The following MYO9B variants were observed in gnomAD, a reference collection of about 807,000 sequenced individuals.
MYO9B encodes unconventional myosin-IXb.
In MYO9B, 71 loss-of-function variants were observed where a neutral mutation model predicts 229.5. The ratio of observed to expected loss-of-function variants is 0.31; its 90% confidence interval spans 0.26 to 0.38. The LOEUF is 0.38. MYO9B is among the 10% of genes least tolerant of loss of function. The pLI is 1.00. For synonymous variants in MYO9B, 1,185 were observed against 1,235.8 expected (o/e 0.96, Z 0.86); for missense variants, 2,255 against 2,920.5 (o/e 0.77, Z 5.25).
chr19:17,076,457 T>A (rs1269220072), intron 1 of MYO9B, among the ~76,000 whole-genome samples: 1 of 151,070 alleles, frequency 6.6e-6, no homozygotes, highest in Non-Finnish European at 1.5e-5. Context: ...GTAAACGGAG[T>A]AGAAGTCACG....
intron 1 of MYO9B, among the ~76,000 whole-genome samples, chr19:17,079,761 G>A (rs2057518034): frequency 6.6e-6 from 1 of 152,110 alleles, no homozygotes; most frequent in Non-Finnish European, 1.5e-5. Context: ...CCACCCACCA[G>A]CCCTTTGTGT....
At chr19:17,206,225 G>GTGGGCCCCCCCC in intron 32 of MYO9B, 23 bp from the exon 33 acceptor site, 8 of 1,564,660 alleles carry the variant, frequency 5.1e-6, no homozygotes, top group African/African-American at 1.4e-5. Context: ...CCGCTCACCA[G>GTGGGCCCCCCCC]ACCCACCCCA....
chr19:17,098,917 T>C (rs146409643), intron 1 of MYO9B, among the ~76,000 whole-genome samples: 8 of 123,800 alleles, frequency 6.5e-5, no homozygotes, highest in South Asian at 2.5e-4. Flanking sequence ...GCCTGGGAAG[T>C]AGAGCAAGAC....
At chr19:17,087,745 T>C (rs113290114) in intron 1 of MYO9B, among the ~76,000 whole-genome samples, 1 of 151,864 alleles carries the variant, frequency 6.6e-6, no homozygotes, top group African/African-American at 2.4e-5. Flanking sequence ...GCCTGACTAA[T>C]GTGGTGAAAC....
Position 17,194,734 on chromosome 19 carries a change from G to T in MYO9B, c.3307G>T (p.Val1103Leu), listed in dbSNP as rs375211356. Reference protein sequence around the residue: ...DGGHLASEPEVQPSDRSPLEH... With the variant: ...DGGHLASEPELQPSDRSPLEH... ...CGGGCACCTGGCATCGGAGCCTGAGGTGCAGCCAAGTGACAGGTCCCCCCT... is the reference window on the plus strand; with the variant it reads ...CGGGCACCTGGCATCGGAGCCTGAGTTGCAGCCAAGTGACAGGTCCCCCCT... The change falls in exon 22 of 40, where the codon GTG becomes TTG. Residue 1103 changes from valine (V) to leucine (L), a missense_variant. Transcript: ENST00000682292. 1 of 1,613,044 alleles carries T rather than the reference G, an allele frequency of 6.2e-7. No homozygotes were observed. Among genetic ancestry groups the T allele is most frequent in the African/African-American group, 1.3e-5 (1 of 75,030 alleles).
intron 1 of MYO9B, among the ~76,000 whole-genome samples, chr19:17,084,670 C>T (rs1243647956): frequency 6.6e-6 from 1 of 150,596 alleles, no homozygotes; most frequent in South Asian, 2.1e-4. Flanking sequence ...TTGAGACCAG[C>T]CTGGCCAACA....
chr19:17,098,488 C>T (rs116618029), intron 1 of MYO9B, among the ~76,000 whole-genome samples: 1,800 of 152,328 alleles, frequency 0.012, 45 homozygotes, highest in African/African-American at 0.04. Context: ...ATACCAGTCT[C>T]TCCTGCCTGG....
chr19:17,093,080 C>T (rs1238761187), intron 1 of MYO9B, among the ~76,000 whole-genome samples: 1 of 152,132 alleles, frequency 6.6e-6, no homozygotes, highest in East Asian at 1.9e-4. Context: ...ACCTGTAATC[C>T]TGGCACTTTG....
intron 2 of MYO9B, among the ~76,000 whole-genome samples, chr19:17,118,933 T>C (rs560702652): frequency 2.6e-5 from 4 of 152,282 alleles, no homozygotes; most frequent in Admixed American, 2.6e-4. Flanking sequence ...AGGCCCTCAG[T>C]GCAGGCCGGC....
rs150799445 is a variant in MYO9B at position 17,158,822 on chromosome 19, C to T, written c.1330-573C>T. The stretch of plus-strand genomic sequence containing the variant: ...CGCACTCACATAAGGCCTGTACATA[C>T]ACATACCCGGGCCACGGAGCATGAG... On this transcript the variant is annotated intron_variant, in intron 7 of 39. Transcript: ENST00000682292. Among the ~76,000 whole-genome samples, 618 of 152,314 alleles carry T rather than the reference C, an allele frequency of 4.1e-3. 8 individuals carry two copies. The highest frequency in any genetic ancestry group is 0.014 in the African/African-American group (584 of 41,582).
At chr19:17,079,580 G>A (rs76636196) in intron 1 of MYO9B, among the ~76,000 whole-genome samples, 9,795 of 152,128 alleles carry the variant, frequency 0.064, 341 homozygotes, top group South Asian at 0.11. Flanking sequence ...GGGCCCTTTC[G>A]CCCGCCCGTT....
Position 17,202,172 on chromosome 19 carries a change from T to C in MYO9B, c.4705T>C (p.Tyr1569His). Residue 1569 changes from tyrosine (Y) to histidine (H), a missense_variant, in exon 28 of 40, where the codon TAC becomes CAC. Tyr to His is a moderately conservative substitution (Grantham distance 83, BLOSUM62 2). Around this residue, in one of 7 missense-constraint regions of MYO9B, gnomAD observed 416 missense variants for 605.5 expected, o/e 0.69. Transcript: ENST00000682292. The stretch of plus-strand genomic sequence containing the variant: ...GGGCTACAAGGATCTGATGGAGAAC[T>C]ACCAGATCGTCGTCAGCAACCTGGC... ...HVGYKDLMEN[Y>H]QIVVSNLATE... is the part of the protein sequence containing the mutation. The C allele has an allele frequency of 6.2e-7, 1 of 1,613,828 alleles. No individual in the cohort carries two copies.
chr19:17,202,912 C>T (rs1335894244), intron 29 of MYO9B, 29 bp downstream of exon 29: 7 of 1,591,238 alleles, frequency 4.4e-6, no homozygotes, highest in South Asian at 2.3e-5. Flanking sequence ...GATGAGAGTC[C>T]GAGCAGGCGA....
intron 2 of MYO9B, among the ~76,000 whole-genome samples, chr19:17,141,213 A>G (rs1380403458): frequency 6.6e-6 from 1 of 151,804 alleles, no homozygotes; most frequent in Non-Finnish European, 1.5e-5. Context: ...TCTCTGTGTC[A>G]TTGTGTCTCC....
chr19:17,201,861 C>T, intron 26 of MYO9B, 65 bp from the exon 27 acceptor site: 1 of 1,225,134 alleles, frequency 8.2e-7, no homozygotes, highest in Non-Finnish European at 1.2e-6. Flanking sequence ...ACCCCTTGGG[C>T]ACCTCCTCGG....
rs535601081 is a variant in MYO9B, at chr19:17,197,660, T to C, written c.4047-132T>C. ...CCACCCAAGTGGTGACAACCAAAAC[T>C]GTCTCTAGACATTGCCAAGTGTCCC... On this transcript the variant is annotated intron_variant, in intron 22 of 39. Transcript: ENST00000682292. 3 of 1,003,846 alleles carry C rather than the reference T, an allele frequency of 3.0e-6. No homozygotes were observed. The Admixed American group carries it at 6.4e-5, about 21-fold the overall frequency. The allele number at this position is 1,003,846 out of a possible 1,614,324, so 62.2% of individuals were successfully genotyped here. A position where few individuals can be genotyped will look rare whatever the true frequency, so the allele number is the denominator to read the frequency against.
Position 17,194,839 on chromosome 19 carries a change from C to G in MYO9B, c.3412C>G (p.His1138Asp). 6.2e-7 allele frequency: 1 copy of G among 1,613,326 alleles called. No individual in the cohort carries two copies. The highest frequency in any genetic ancestry group is 1.3e-5 in the African/African-American group (1 of 75,048). ...CCAGAAAACCGTGGCGGCTGAAAGT[C>G]ACGAGAAAGTCCCCAGCAGCCGGGA... ...PPQKTVAAES[H>D]EKVPSSREKR... The change falls in exon 22 of 40, where the codon CAC becomes GAC. Residue 1138 changes from histidine to aspartate, a missense_variant. His to Asp is a moderately conservative substitution (Grantham distance 81, BLOSUM62 -1). This residue lies in a region of MYO9B where 679 missense variants were observed against 770.2 expected (regional missense o/e 0.88). Coordinates refer to ENST00000682292, the MANE Select transcript of MYO9B (RefSeq NM_004145.4).
intron 2 of MYO9B, among the ~76,000 whole-genome samples, chr19:17,130,329 GGCATT>G: frequency 6.6e-6 from 1 of 151,368 alleles, no homozygotes; most frequent in Non-Finnish European, 1.5e-5. Context: ...AAATTAGCCG[GGCATT>G]GGCCGGGCAC....
At chr19:17,184,841 C>T (rs769132941) in intron 16 of MYO9B, 24 bp from the exon 17 acceptor site, 13 of 1,613,200 alleles carry the variant, frequency 8.1e-6, no homozygotes, top group East Asian at 2.2e-5. Context: ...GGAGGGCAGG[C>T]CGGACCCCAT....
Sources: allele counts gnomAD v4.1 joint callset (sites outside exome capture counted in the v4.1 genomes callset), GRCh38; gene constraint gnomAD v4.1.1; regional missense constraint gnomAD v4.1.1; transcripts MANE v1.5; gene names NCBI Gene and HGNC (gene_info 2026-07-23, HGNC 2026-07-21).